The following TRIM13 variants were observed in gnomAD, a reference collection of about 807,000 sequenced individuals.
The protein encoded by TRIM13 is tripartite motif containing 13.
Under a neutral mutation model 27.1 loss-of-function variants are expected in TRIM13, and 15 were observed. The observed-to-expected ratio is 0.55, with a 90% CI of 0.37 to 0.85. The LOEUF (loss-of-function observed/expected upper bound fraction) is 0.85. Among genes scored for constraint, TRIM13 ranks in the 40% least tolerant of loss-of-function variants. The pLI is 0.00. For missense variants in TRIM13, 402 were observed against 472.2 expected (o/e 0.85, Z 1.38); for synonymous variants, 193 against 171.5 (o/e 1.13, Z -0.98).
chr13:50,000,639 A>G (rs748783078), intron 1 of TRIM13, among the ~76,000 whole-genome samples: 19 of 152,264 alleles, frequency 1.2e-4, no homozygotes, highest in African/African-American at 4.6e-4. Context: ...GTTCTGTTAA[A>G]ATGTGTGCAC....
intron 1 of TRIM13, among the ~76,000 whole-genome samples, chr13:50,008,452 G>A (rs7336462): frequency 0.017 from 2,511 of 151,708 alleles, 56 homozygotes; most frequent in African/African-American, 0.057. Context: ...GATTGCTTGA[G>A]GCCAGCTAGT....
At chr13:50,003,016 A>C (rs961127521) in intron 1 of TRIM13, among the ~76,000 whole-genome samples, 1 of 152,212 alleles carries the variant, frequency 6.6e-6, no homozygotes, top group Non-Finnish European at 1.5e-5. Flanking sequence ...CTGTAGTCCC[A>C]GCTACTCTGG....
Position 50,012,299 on chromosome 13 carries a change from G to A in TRIM13, c.359G>A (p.Arg120His), listed in dbSNP as rs199782947. Residue 120 changes from arginine to histidine, a missense_variant, in exon 2 of 2, where the codon CGT (arginine) becomes CAT (histidine). By Grantham distance (29) the Arg-to-His change is conservative. Around this residue, in one of 2 missense-constraint regions of TRIM13, gnomAD observed 202 missense variants for 277.5 expected, o/e 0.73. Transcript: ENST00000378182. ...MQLICGICAT[R>H]GEHTKHVFCS... ...CTGATTTGTGGGATCTGTGCTACTC[G>A]TGGGGAGCACACCAAACATGTCTTC... 29 of 1,614,104 alleles carry A rather than the reference G, an allele frequency of 1.8e-5. No homozygotes were observed. The highest frequency in any genetic ancestry group is 1.6e-4 in the Middle Eastern group (1 of 6,062).
Position 50,015,486 on chromosome 13 carries a change from AG to A in TRIM13, c.*2325del. The A allele has an allele frequency of 6.3e-7, 1 of 1,592,154 alleles. No homozygotes were observed. The highest frequency in any genetic ancestry group is 8.6e-7 in the Non-Finnish European group (1 of 1,165,986). On this transcript the variant is annotated 3_prime_UTR_variant, in exon 2 of 2. Coordinates refer to ENST00000378182, the MANE Select transcript of TRIM13 (RefSeq NM_213590.3). ...TGATGGTAGCCTCTAGTTTGAAGTG[AG>A]GGAAGAATGAGTAGTCAGGAACTGG...
At chr13:50,006,702 A>G (rs975554803) in intron 1 of TRIM13, among the ~76,000 whole-genome samples, 4 of 152,132 alleles carry the variant, frequency 2.6e-5, no homozygotes, top group Admixed American at 2.6e-4. Context: ...GAGTCTTTAT[A>G]GCCATTCTCT....
chr13:49,998,143 T>C (rs1452151004), intron 1 of TRIM13, among the ~76,000 whole-genome samples: 1 of 152,130 alleles, frequency 6.6e-6, no homozygotes, highest in Admixed American at 6.5e-5. Flanking sequence ...AGAATTTCAT[T>C]TACATAGGCA....
chr13:50,002,736 C>A (rs541284269), intron 1 of TRIM13, among the ~76,000 whole-genome samples: 4 of 151,790 alleles, frequency 2.6e-5, no homozygotes, highest in Non-Finnish European at 5.9e-5. Context: ...GATCTTGACT[C>A]ACTGCAACCT....
chr13:50,012,231 C>T lies in TRIM13; in HGVS notation c.291C>T (p.His97=). The T allele has an allele frequency of 6.2e-7, 1 of 1,614,152 alleles. No homozygotes were observed. The highest frequency in any genetic ancestry group is 8.5e-7 in the Non-Finnish European group (1 of 1,180,014). Residue 97 remains histidine, a synonymous_variant, in exon 2 of 2, where the codon CAC becomes CAT. Coordinates refer to ENST00000378182, the MANE Select transcript of TRIM13 (RefSeq NM_213590.3). The part of the protein sequence containing the change: ...ISPKMPVCKG[H]LGQPLNIFCL... ...CCAAAATGCCAGTATGCAAAGGACACTTGGGGCAGCCTCTCAACATTTTCT... is the reference window on the plus strand; with the variant it reads ...CCAAAATGCCAGTATGCAAAGGACATTTGGGGCAGCCTCTCAACATTTTCT...
chr13:50,005,471 C>T (rs1422062724), intron 1 of TRIM13, among the ~76,000 whole-genome samples: 1 of 151,578 alleles, frequency 6.6e-6, no homozygotes. Context: ...GTCAGGAGTT[C>T]GAGATCAGCC....
At chr13:50,009,020 C>CAAAAAAAAAAAAAAAAAAAAAAA (rs35407149) in intron 1 of TRIM13, among the ~76,000 whole-genome samples, 1 of 68,036 alleles carries the variant, frequency 1.5e-5, no homozygotes, top group Non-Finnish European at 2.9e-5. Context: ...AAAGCTGTCT[C>CAAAAAAAAAAAAAAAAAAAAAAA]AAAAAAAAAA....
chr13:50,011,606 C>T, intron 1 of TRIM13, among the ~76,000 whole-genome samples: 1 of 152,180 alleles, frequency 6.6e-6, no homozygotes. Context: ...TGTCAGTAGT[C>T]AGCTCTGTTT....
chr13:50,003,619 C>T (rs909023447), intron 1 of TRIM13, among the ~76,000 whole-genome samples: 1 of 152,112 alleles, frequency 6.6e-6, no homozygotes, highest in African/African-American at 2.4e-5. Context: ...TAAGTATTGG[C>T]TTTTCCATTT....
rs1555325057 is a variant in TRIM13 at position 50,014,344 on chromosome 13, A to AAAAATTAT, written c.*1181_*1182insAAATTATA. The AAAAATTAT allele has an allele frequency of 5.1e-5, 1 of 19,718 alleles. No homozygotes were observed. Among genetic ancestry groups the AAAAATTAT allele is most frequent in the Non-Finnish European group, 8.3e-5 (1 of 12,100 alleles). 1.2% of individuals were successfully genotyped at this position (19,718 alleles called of 1,614,324 possible). A position where few individuals can be genotyped will look rare whatever the true frequency, so the allele number is the denominator to read the frequency against. On this transcript the variant is annotated 3_prime_UTR_variant, in exon 2 of 2. Coordinates refer to ENST00000378182, the MANE Select transcript of TRIM13 (RefSeq NM_213590.3). ...AAAAAAAAAAAAAAAAAAAAAAAAAAATATATATATATATATACACACACA... is the reference window on the plus strand; with the variant it reads ...AAAAAAAAAAAAAAAAAAAAAAAAAAAAAATTATATATATATATATATATACACACACA...
rs1265785941 is a variant in TRIM13, at chr13:50,013,707, T to C, written c.*543T>C. On this transcript the variant is annotated 3_prime_UTR_variant, in exon 2 of 2. Coordinates refer to ENST00000378182, the MANE Select transcript of TRIM13 (RefSeq NM_213590.3). ...CCAGCTAATTTTTTGTATTTTTAGT[T>C]GAGACAGGGTTTCACTGTCCCTTAA... 1 of 165,514 alleles carries C rather than the reference T, an allele frequency of 6.0e-6. No homozygotes were observed. Among genetic ancestry groups the C allele is most frequent in the East Asian group, 1.9e-4 (1 of 5,156 alleles). The allele number at this position is 165,514 out of a possible 1,614,324, so 10.3% of individuals were successfully genotyped here. A position where few individuals can be genotyped will look rare whatever the true frequency, so the allele number is the denominator to read the frequency against.
At chr13:50,005,445 G>A (rs935898616) in intron 1 of TRIM13, among the ~76,000 whole-genome samples, 5 of 151,802 alleles carry the variant, frequency 3.3e-5, no homozygotes, top group African/African-American at 7.3e-5. Context: ...AGGCCGAGGC[G>A]GGTGGATCAC....
chr13:50,009,756 A>AAAAC (rs1566438947), intron 1 of TRIM13, among the ~76,000 whole-genome samples: 1 of 122,736 alleles, frequency 8.1e-6, no homozygotes, highest in African/African-American at 2.9e-5. Flanking sequence ...AAAAAAAAAA[A>AAAAC]AACAACAACA....
At chr13:50,010,269 G>C (rs1233040235) in intron 1 of TRIM13, among the ~76,000 whole-genome samples, 1 of 152,036 alleles carries the variant, frequency 6.6e-6, no homozygotes, top group Non-Finnish European at 1.5e-5. Context: ...GCCCGTACTG[G>C]TCGTGAACTC....
At position 50,015,088 on chromosome 13, in the gene TRIM13, AAAAAAAATATATATATATATAT is replaced by A. The variant is rs1383181768; in HGVS notation, c.*1926_*1947del. On this transcript the variant is annotated 3_prime_UTR_variant, in exon 2 of 2. Coordinates refer to ENST00000378182, the MANE Select transcript of TRIM13 (RefSeq NM_213590.3). ...CCCTCCCAGTAATAAAAAAAAAAAA[AAAAAAAATATATATATATATAT>A]ATATATATATATATATATATATATA... is the stretch of plus-strand genomic sequence containing the variant. 16 of 49,262 alleles carry A rather than the reference AAAAAAAATATATATATATATAT, an allele frequency of 3.2e-4. No individual in the cohort carries two copies. Among genetic ancestry groups the A allele is most frequent in the African/African-American group, 1.1e-3 (11 of 9,944 alleles). 3.1% of individuals were successfully genotyped at this position (49,262 alleles called of 1,614,324 possible). A position where few individuals can be genotyped will look rare whatever the true frequency, so the allele number is the denominator to read the frequency against.
rs1555325083 is a variant in TRIM13, at chr13:50,014,360, T to TGTACAC, written c.*1196_*1197insGTACAC. On this transcript the variant is annotated 3_prime_UTR_variant, in exon 2 of 2. Coordinates refer to ENST00000378182, the MANE Select transcript of TRIM13 (RefSeq NM_213590.3). ...AAAAAAAAAAATATATATATATATA[T>TGTACAC]ACACACACACACACACATATGTACA... 1 of 58,544 alleles carries TGTACAC rather than the reference T, an allele frequency of 1.7e-5. No individual in the cohort carries two copies. The allele number at this position is 58,544 out of a possible 1,614,324, so 3.6% of individuals were successfully genotyped here.
Sources: gnomAD v4.1 joint callset for allele counts (sites outside exome capture counted in the v4.1 genomes callset) on GRCh38, gnomAD v4.1.1 for gene constraint, gnomAD v4.1.1 regional missense constraint, MANE v1.5 for transcripts, NCBI Gene and HGNC (gene_info 2026-07-23, HGNC 2026-07-21) for gene names.